NOL4: variants seen among roughly 807,000 people sequenced by gnomAD.
The protein encoded by NOL4 is nucleolar protein 4, also known as cancer/testis antigen 125.
A neutral mutation model predicts 75.9 loss-of-function variants in NOL4; 17 were observed. The observed-to-expected ratio is 0.22, with a 90% CI of 0.15 to 0.34. The LOEUF (loss-of-function observed/expected upper bound fraction) is 0.34, where lower values mean the gene tolerates loss of function less well. Among genes scored for constraint, NOL4 ranks in the 10% least tolerant of loss-of-function variants. The probability of loss-of-function intolerance (pLI) is 1.00; values close to 1 mark genes in which losing one functional copy is unlikely to be tolerated. For missense variants in NOL4, 614 were observed against 793.5 expected (o/e 0.77, Z 2.72); for synonymous variants, 292 against 289.9 (o/e 1.01, Z -0.07).
chr18:34,055,796 T>C lies in NOL4; in HGVS notation c.773-36195A>G, dbSNP rs141574521. Among the ~76,000 whole-genome samples, 416 of 152,282 alleles carry C rather than the reference T, an allele frequency of 2.7e-3. 2 individuals are homozygous for C. The highest frequency in any genetic ancestry group is 9.4e-3 in the African/African-American group (392 of 41,564). Reference sequence around the variant, plus strand: ...AAGTCCCTTAAGTTTTGTTTACTTTTCTTCATTCCTTTTTTTTTCTCCGCT... The same window carrying C: ...AAGTCCCTTAAGTTTTGTTTACTTTCCTTCATTCCTTTTTTTTTCTCCGCT... On this transcript the variant is annotated intron_variant, in intron 5 of 10. Coordinates refer to ENST00000261592, the MANE Select transcript of NOL4 (RefSeq NM_003787.5).
intron 6 of NOL4, among the ~76,000 whole-genome samples, chr18:33,962,237 T>G (rs762419668): frequency 6.6e-6 from 1 of 152,160 alleles, no homozygotes; most frequent in African/African-American, 2.4e-5. Flanking sequence ...CCCACCCACA[T>G]GCTTTTAAAT....
intron 1 of NOL4, among the ~76,000 whole-genome samples, chr18:34,145,794 CA>C (rs960281556): frequency 6.6e-6 from 1 of 151,872 alleles, no homozygotes; most frequent in African/African-American, 2.4e-5. Context: ...CAAACATATA[CA>C]AAAATTATTA....
chr18:34,194,453 A>C lies in NOL4; in HGVS notation c.264+28537T>G, dbSNP rs184989070. 3.9e-3 allele frequency among the ~76,000 whole-genome samples: 578 copies of C among 147,126 alleles called. 4 individuals carry two copies. The highest frequency in any genetic ancestry group is 0.013 in the African/African-American group (523 of 40,384). On this transcript the variant is annotated intron_variant, in intron 1 of 10. Coordinates refer to ENST00000261592, the MANE Select transcript of NOL4 (RefSeq NM_003787.5). ...GAAGGAAGGAAGGAAGGAAGGAAGGAAGGAAGGCAGGCAGGCAGGCAGGCA... is the reference window on the plus strand; with the variant it reads ...GAAGGAAGGAAGGAAGGAAGGAAGGCAGGAAGGCAGGCAGGCAGGCAGGCA...
chr18:34,216,125 C>A (rs78988697), intron 1 of NOL4, among the ~76,000 whole-genome samples: 5 of 152,102 alleles, frequency 3.3e-5, no homozygotes, highest in African/African-American at 1.2e-4. Context: ...GTCACCAGAA[C>A]ACAGGCCTAA....
At chr18:33,969,893 A>G (rs760713957) in intron 6 of NOL4, among the ~76,000 whole-genome samples, 1 of 152,118 alleles carries the variant, frequency 6.6e-6, no homozygotes, top group Non-Finnish European at 1.5e-5. Flanking sequence ...CCTCAGCTAC[A>G]TTTTTTAGGC....
At chr18:33,931,581 T>C (rs1183175308) in intron 9 of NOL4, among the ~76,000 whole-genome samples, 3 of 151,834 alleles carry the variant, frequency 2.0e-5, no homozygotes, top group Non-Finnish European at 4.4e-5. Flanking sequence ...TTTTTGTTTT[T>C]TAATTAGCCA....
chr18:33,892,400 T>C (rs2065145085), intron 9 of NOL4, among the ~76,000 whole-genome samples: 2 of 152,092 alleles, frequency 1.3e-5, no homozygotes, highest in African/African-American at 2.4e-5. Flanking sequence ...TACTGCATTC[T>C]AGCTTGGGTG....
chr18:33,924,227 G>A (rs1368689948), intron 9 of NOL4, among the ~76,000 whole-genome samples: 2 of 152,178 alleles, frequency 1.3e-5, no homozygotes, highest in Non-Finnish European at 2.9e-5. Context: ...TAATTGCTTT[G>A]TCAAAACTAA....
intron 6 of NOL4, among the ~76,000 whole-genome samples, chr18:33,966,260 C>A (rs1600085227): frequency 6.6e-6 from 1 of 152,012 alleles, no homozygotes; most frequent in Non-Finnish European, 1.5e-5. Context: ...CCACAAATTA[C>A]AAAATTTTTG....
At chr18:34,164,137 C>T (rs2031968552) in intron 1 of NOL4, among the ~76,000 whole-genome samples, 1 of 151,990 alleles carries the variant, frequency 6.6e-6, no homozygotes, top group Admixed American at 6.6e-5. Flanking sequence ...CCATAAAAAC[C>T]CTAGAAGAAA....
intron 5 of NOL4, among the ~76,000 whole-genome samples, chr18:34,073,929 A>G (rs1055001049): frequency 1.2e-4 from 19 of 152,094 alleles, no homozygotes; most frequent in African/African-American, 4.6e-4. Context: ...ATGTGGTATG[A>G]CTAAATTGGG....
In NOL4 at chr18:34,158,428, A is replaced by G. The variant is rs974049073; in HGVS notation, c.265-28408T>C. Among the ~76,000 whole-genome samples, 14 of 152,300 alleles carry G rather than the reference A, an allele frequency of 9.2e-5. No homozygotes were observed. In the South Asian group the frequency reaches 2.1e-3, roughly 23 times the overall value. ...AATTTACCCCCCACCCTCGAGTTCA[A>G]AAACAGAGCCATGTGGAAATAAATC... On this transcript the variant is annotated intron_variant, in intron 1 of 10. Coordinates refer to ENST00000261592, the MANE Select transcript of NOL4 (RefSeq NM_003787.5).
At chr18:33,853,857 T>C (rs989440783) in intron 10 of NOL4, among the ~76,000 whole-genome samples, 1 of 152,148 alleles carries the variant, frequency 6.6e-6, no homozygotes, top group African/African-American at 2.4e-5. Context: ...GGTATGCTTT[T>C]TGACAACATT....
intron 9 of NOL4, among the ~76,000 whole-genome samples, chr18:33,897,903 A>T (rs558357781): frequency 3.0e-4 from 45 of 152,014 alleles, no homozygotes; most frequent in African/African-American, 8.0e-4. Context: ...CATTTATTTT[A>T]AAAAATCTCC....
intron 1 of NOL4, among the ~76,000 whole-genome samples, chr18:34,153,599 T>C (rs899951521): frequency 6.6e-6 from 1 of 151,954 alleles, no homozygotes; most frequent in African/African-American, 2.4e-5. Flanking sequence ...AATCAGTGAA[T>C]ATGGCACTTC....
chr18:34,138,424 T>C (rs1208741881), intron 1 of NOL4, among the ~76,000 whole-genome samples: 6 of 151,780 alleles, frequency 4.0e-5, no homozygotes, highest in African/African-American at 1.5e-4. Context: ...ATAAAAATAA[T>C]GACAGTAGTT....
intron 5 of NOL4, among the ~76,000 whole-genome samples, chr18:34,069,637 AAG>A (rs1224483734): frequency 6.6e-6 from 1 of 152,142 alleles, no homozygotes; most frequent in Non-Finnish European, 1.5e-5. Context: ...ATTTTAAAAG[AAG>A]AGAGACAAAA....
At chr18:33,936,029 G>A (rs1342777725) in intron 9 of NOL4, among the ~76,000 whole-genome samples, 1 of 152,094 alleles carries the variant, frequency 6.6e-6, no homozygotes, top group Non-Finnish European at 1.5e-5. Flanking sequence ...GAATGGTGTT[G>A]CTTTCAGTTA....
chr18:34,098,924 C>T (rs532312020), intron 4 of NOL4, among the ~76,000 whole-genome samples: 29 of 152,234 alleles, frequency 1.9e-4, no homozygotes, highest in African/African-American at 5.3e-4. Context: ...AAATTATTTA[C>T]GGCCAGTTTC....
Sources: gnomAD v4.1 joint callset for allele counts (sites outside exome capture counted in the v4.1 genomes callset) on GRCh38, gnomAD v4.1.1 for gene constraint, MANE v1.5 for transcripts, NCBI Gene and HGNC (gene_info 2026-07-23, HGNC 2026-07-21) for gene names.